The following LTBP3 variants were observed in gnomAD, a reference collection of about 807,000 sequenced individuals.
LTBP3 encodes the protein latent-transforming growth factor beta-binding protein 3.
In LTBP3, 97 loss-of-function variants were observed where a neutral mutation model predicts 159.7. The ratio of observed to expected loss-of-function variants is 0.61; its 90% CI spans 0.52 to 0.72. The LOEUF (loss-of-function observed/expected upper bound fraction) is 0.72. Ranked by LOEUF, LTBP3 falls within the 30% of genes least tolerant of loss-of-function variation. The probability of loss-of-function intolerance (pLI) is 0.00; values close to 1 mark genes in which losing one functional copy is unlikely to be tolerated. For synonymous variants in LTBP3, 824 were observed against 777.1 expected, an observed-to-expected ratio of 1.06 and a Z score of -1.00; for missense variants, 1,584 against 1,864.3, an observed-to-expected ratio of 0.85 and a Z score of 2.77.
chr11:65,551,903 G>A, intron 8 of LTBP3, 69 bp downstream of exon 8: 1 of 1,531,242 alleles, frequency 6.5e-7, no homozygotes, highest in Non-Finnish European at 9.0e-7. Context: ...CAGATCTGTG[G>A]ATCACGGGTC....
At chr11:65,540,724 G>GCGGGGCCTACAGGAGGGC in intron 21 of LTBP3, 110 bp from the exon 22 acceptor site, 1 of 1,562,176 alleles carries the variant, frequency 6.4e-7, no homozygotes, top group Non-Finnish European at 8.7e-7. Flanking sequence ...TACAGGAGGG[G>GCGGGGCCTACAGGAGGGC]CGGGGCCTAC....
Position 65,554,230 on chromosome 11 carries a change from G to A in LTBP3, c.482C>T (p.Thr161Ile), listed in dbSNP as rs201395285. Residue 161 changes from threonine to isoleucine, a missense_variant, in exon 2 of 28, where the codon ACA (threonine) becomes ATA (isoleucine). This residue lies in a region of LTBP3 where 194 missense variants were observed against 198.7 expected (regional missense o/e 0.98). Transcript: ENST00000301873. This position sits in a 1 kb window ranked among gnomAD's most constrained non-coding sequence, Gnocchi z 5.3. ...TGGSGPGLSR[T>I]GALSTGALPP... is the part of the protein sequence containing the mutation. ...CAGCGCCCCTGTGGACAGGGCCCCT[G>A]TCCTGCTCAGGCCGGGGCCTGAGCC... 6.2e-7 allele frequency: 1 copy of A among 1,609,560 alleles called. No homozygotes were observed. The highest frequency in any genetic ancestry group is 2.2e-5 in the East Asian group (1 of 44,798).
In LTBP3 at chr11:65,541,513, GA is replaced by G. The variant is rs1472931517; in HGVS notation, c.2725+86del. On this transcript the variant is annotated intron_variant, in intron 19 of 27. Coordinates refer to ENST00000301873, the MANE Select transcript of LTBP3 (RefSeq NM_001130144.3). Reference sequence around the variant, plus strand: ...ATTTCTTCCGGTTCCCCAAATTTAGGAGGGTGGGGCCAGGACACATCTCTGA... The same window carrying G: ...ATTTCTTCCGGTTCCCCAAATTTAGGGGGTGGGGCCAGGACACATCTCTGA... 3 of 1,599,092 alleles carry G rather than the reference GA, an allele frequency of 1.9e-6. No individual in the cohort carries two copies. The African/African-American group carries it at 4.0e-5, about 21-fold the overall frequency.
Position 65,547,980 on chromosome 11 carries a change from CA to C in LTBP3, c.1785del (p.Asp596ThrfsTer22). On this transcript the variant is annotated frameshift_variant, in exon 12 of 28. Transcript: ENST00000301873. LOFTEE classifies it high-confidence loss of function. The surrounding 1 kb of genome is among the most constrained non-coding windows in gnomAD (Gnocchi z 4.6). ...CCGGGGTTGCAGTGGCAGGAGTAGTCAGGGGGGCCCGGCACGCACTCTCCGT... is the reference window on the plus strand; with the variant it reads ...CCGGGGTTGCAGTGGCAGGAGTAGTCGGGGGGCCCGGCACGCACTCTCCGT... ...CGHGECVPGP[P>X]DYSCHCNPGY... The C allele has an allele frequency of 1.2e-6, 2 of 1,613,794 alleles. No individual in the cohort carries two copies. Among genetic ancestry groups the C allele is most frequent in the Non-Finnish European group, 1.7e-6 (2 of 1,179,988 alleles).
rs551635263 is a variant in LTBP3 at position 65,547,472 on chromosome 11, G to A, written c.2074C>T (p.Arg692Trp). The change falls in exon 14 of 28, where the codon CGG (arginine) becomes TGG (tryptophan). Residue 692 changes from arginine (R) to tryptophan (W), a missense_variant. Physicochemically the swap from Arg to Trp is moderately radical, Grantham distance 101. Around this residue, in one of 6 missense-constraint regions of LTBP3, gnomAD observed 565 missense variants for 677.7 expected, o/e 0.83. Transcript: ENST00000301873. The surrounding 1 kb of genome is among the most constrained non-coding windows in gnomAD (Gnocchi z 4.6). Reference sequence around the variant, plus strand: ...ACAGGAGGCCGGGAGGCTTTGAGCCGGTAGCCGGGGTAGCAGTTGCACTTG... The same window carrying A: ...ACAGGAGGCCGGGAGGCTTTGAGCCAGTAGCCGGGGTAGCAGTTGCACTTG... ...HYKCNCYPGY[R>W]LKASRPPVCE... The A allele has an allele frequency of 3.1e-6, 5 of 1,613,994 alleles. No homozygotes were observed. The Admixed American group carries it at 5.0e-5, about 16-fold the overall frequency.
chr11:65,552,188 G>A lies in LTBP3; in HGVS notation c.1346-31C>T. 1 of 1,614,186 alleles carries A rather than the reference G, an allele frequency of 6.2e-7. No individual in the cohort carries two copies. Among genetic ancestry groups the A allele is most frequent in the Non-Finnish European group, 8.5e-7 (1 of 1,179,998 alleles). ...GTCAAGACAGCAGACACAAAAGTGA[G>A]CATTTCCTGGACAGGTGCATGGACC... is the stretch of plus-strand genomic sequence containing the variant. On this transcript the variant is annotated intron_variant, in intron 7 of 27. Transcript: ENST00000301873. The surrounding 1 kb of genome is among the most constrained non-coding windows in gnomAD (Gnocchi z 6.0).
rs1482645263 is a variant in LTBP3, at chr11:65,543,139, C to A, written c.2562G>T (p.Gln854His). ...TNGSYRCLCP[Q>H]GHRLVGGRKC... is the part of the protein sequence containing the mutation. ...TCCTGCCACCCACCAGCCGATGCCC[C>A]TGGGGGCAAAGACATCTGTAGGAGC... is the stretch of plus-strand genomic sequence containing the variant. The change falls in exon 18 of 28, where the codon CAG (glutamine) becomes CAT (histidine). Residue 854 changes from glutamine to histidine, a missense_variant. This residue lies in a region of LTBP3 where 565 missense variants were observed against 677.7 expected (regional missense o/e 0.83). Transcript: ENST00000301873. The A allele has an allele frequency of 6.2e-7, 1 of 1,614,158 alleles. No homozygotes were observed. The highest frequency in any genetic ancestry group is 8.5e-7 in the Non-Finnish European group (1 of 1,180,010).
In LTBP3 at chr11:65,539,469, C is replaced by G; in HGVS notation, c.3629-10G>C. 6.3e-7 allele frequency: 1 copy of G among 1,575,046 alleles called. No individual in the cohort carries two copies. Among genetic ancestry groups the G allele is most frequent in the South Asian group, 1.2e-5 (1 of 86,398 alleles). On this transcript the variant is annotated splice_polypyrimidine_tract_variant and intron_variant, in intron 26 of 27. Coordinates refer to ENST00000301873, the MANE Select transcript of LTBP3 (RefSeq NM_001130144.3). Reference sequence around the variant, plus strand: ...TCTGAACTGTCCTCATCTGCGTGGCCCGGAACAATATGGACTTCAACACTG... The same window carrying G: ...TCTGAACTGTCCTCATCTGCGTGGCGCGGAACAATATGGACTTCAACACTG...
rs544986313 is a variant in LTBP3, at chr11:65,554,611, C to A, written c.332-231G>T. Among the ~76,000 whole-genome samples, 10 of 152,164 alleles carry A rather than the reference C, an allele frequency of 6.6e-5. No individual in the cohort carries two copies. The South Asian group carries it at 2.1e-3, about 32-fold the overall frequency. On this transcript the variant is annotated intron_variant, in intron 1 of 27. Transcript: ENST00000301873. The surrounding 1 kb of genome is among the most constrained non-coding windows in gnomAD (Gnocchi z 5.3). ...GCTAAGCCATGTGCCAGCTGTGCGA[C>A]CCTGAGCAACTCACGTCCCCTCCCT...
At chr11:65,557,093 T>G (rs1856838241) in intron 1 of LTBP3, among the ~76,000 whole-genome samples, 1 of 152,022 alleles carries the variant, frequency 6.6e-6, no homozygotes, top group African/African-American at 2.4e-5. Flanking sequence ...CACCCTACTT[T>G]TAGGCCTCAA....
intron 18 of LTBP3, chr11:65,542,482 T>C (rs1473257846): frequency 2.1e-5 from 3 of 144,898 alleles, no homozygotes; most frequent in Non-Finnish European, 2.9e-5. Context: ...CCGCTTCCCA[T>C]CTTCAAACGA....
chr11:65,550,976 T>C, intron 11 of LTBP3, 150 bp downstream of exon 11: 1 of 701,222 alleles, frequency 1.4e-6, no homozygotes. Context: ...GGCAGTGGGA[T>C]CTCTGGTGCT....
Position 65,558,304 on chromosome 11 carries a change from C to T in LTBP3, c.-345G>A, listed in dbSNP as rs1187302356. 6 of 723,172 alleles carry T rather than the reference C, an allele frequency of 8.3e-6. No homozygotes were observed. Among genetic ancestry groups the T allele is most frequent in the South Asian group, 6.3e-5 (1 of 15,768 alleles). 44.8% of individuals were successfully genotyped at this position (723,172 alleles called of 1,614,324 possible). ...CTCCGCGCCTCCCCCTGGCCGGGCT[C>T]CTCTCCCGCGGCCGCGGGGAGGCAG... On this transcript the variant is annotated 5_prime_UTR_variant, in exon 1 of 28. Transcript: ENST00000301873.
In LTBP3 at chr11:65,539,242, G is replaced by C. The variant is rs866861958; in HGVS notation, c.3761-11C>G. 6.6e-7 allele frequency: 1 copy of C among 1,525,522 alleles called. No homozygotes were observed. Among genetic ancestry groups the C allele is most frequent in the Admixed American group, 2.0e-5 (1 of 50,006 alleles). 94.5% of individuals were successfully genotyped at this position (1,525,522 alleles called of 1,614,324 possible). A position where few individuals can be genotyped will look rare whatever the true frequency, so the allele number is the denominator to read the frequency against. On this transcript the variant is annotated splice_polypyrimidine_tract_variant and intron_variant, in intron 27 of 27. Transcript: ENST00000301873. ...GGCACTCGTCGATATCTGAAGGTGA[G>C]GGCGACAGGTGCGGCTTCGCTGAGC... is the stretch of plus-strand genomic sequence containing the variant.
chr11:65,548,120 C>T, intron 11 of LTBP3, 75 bp from the exon 12 acceptor site: 1 of 1,601,824 alleles, frequency 6.2e-7, no homozygotes, highest in South Asian at 1.1e-5. Context: ...CAGACCTCAA[C>T]ACCCCAGTCA....
chr11:65,547,505 C>G lies in LTBP3; in HGVS notation c.2041G>C (p.Gly681Arg). 11 of 1,613,882 alleles carry G rather than the reference C, an allele frequency of 6.8e-6. No individual in the cohort carries two copies. The highest frequency in any genetic ancestry group is 2.2e-5 in the East Asian group (1 of 44,852). Residue 681 changes from glycine (G) to arginine (R), a missense_variant, in exon 14 of 28, where the codon GGT becomes CGT. Around this residue, in one of 6 missense-constraint regions of LTBP3, gnomAD observed 565 missense variants for 677.7 expected, o/e 0.83. Transcript: ENST00000301873. The surrounding 1 kb of genome is among the most constrained non-coding windows in gnomAD (Gnocchi z 4.6). Reference protein sequence around the residue: ...GDGGFCINFPGHYKCNCYPGY... With the variant: ...GDGGFCINFPRHYKCNCYPGY... ...GGGTAGCAGTTGCACTTGTAGTGAC[C>G]GGGAAAGTTGATGCAGAAGCCGCCG...
At position 65,541,581 on chromosome 11, in the gene LTBP3, G is replaced by T. The variant is rs766121205; in HGVS notation, c.2725+19C>A. 58 of 1,613,984 alleles carry T rather than the reference G, an allele frequency of 3.6e-5. No individual in the cohort carries two copies. Among genetic ancestry groups the T allele is most frequent in the South Asian group, 3.5e-4 (32 of 91,078 alleles). On this transcript the variant is annotated intron_variant, in intron 19 of 27. Transcript: ENST00000301873. ...AGGGGAGTTGTCCAGTCCGAGGGAG[G>T]AGCTGGGAGGACACTCACCCTCACA...
Position 65,553,932 on chromosome 11 carries a change from T to G in LTBP3, c.662-29A>C. 1 of 1,513,080 alleles carries G rather than the reference T, an allele frequency of 6.6e-7. No individual in the cohort carries two copies. Among genetic ancestry groups the G allele is most frequent in the Non-Finnish European group, 8.9e-7 (1 of 1,126,384 alleles). The allele number at this position is 1,513,080 out of a possible 1,614,324, so 93.7% of individuals were successfully genotyped here. A position where few individuals can be genotyped will look rare whatever the true frequency, so the allele number is the denominator to read the frequency against. On this transcript the variant is annotated intron_variant, in intron 2 of 27. Transcript: ENST00000301873. The surrounding 1 kb of genome is among the most constrained non-coding windows in gnomAD (Gnocchi z 6.5). ...GGGGCGGGCGCGGTGGCCTCAGGGC[T>G]GCCCGCACCGCGCCGCGGGTCACCG... is the stretch of plus-strand genomic sequence containing the variant.
rs554832295 is a variant in LTBP3, at chr11:65,549,090, G to T, written c.1721-1045C>A. ...AGGCTAACAACGCTCACTTTGCAGA[G>T]TATGAGAAGGTTAAATGGTATTTAG... On this transcript the variant is annotated intron_variant, in intron 11 of 27. Transcript: ENST00000301873. Among the ~76,000 whole-genome samples the T allele has an allele frequency of 2.0e-5, 3 of 152,324 alleles. No individual in the cohort carries two copies. In the East Asian group the frequency reaches 5.8e-4, roughly 29 times the overall value.
Sources: allele counts gnomAD v4.1 joint callset (sites outside exome capture counted in the v4.1 genomes callset), GRCh38; gene constraint gnomAD v4.1.1; regional missense constraint gnomAD v4.1.1; non-coding constraint Gnocchi (gnomAD v3.1); transcripts MANE v1.5; gene names NCBI Gene and HGNC (gene_info 2026-07-23, HGNC 2026-07-21).